COG2: variants seen among roughly 807,000 people sequenced by gnomAD.
COG2 encodes the protein conserved oligomeric Golgi complex subunit 2.
A neutral mutation model predicts 90.6 loss-of-function variants in COG2; 52 were observed. The observed-to-expected ratio is 0.57, with a 90% CI of 0.46 to 0.72. The LOEUF (loss-of-function observed/expected upper bound fraction) is 0.72, where lower values mean the gene tolerates loss of function less well. COG2 is among the 30% of genes least tolerant of loss of function. The pLI, the probability that COG2 is intolerant of heterozygous loss-of-function variation, is 0.00. For missense variants in COG2, 829 were observed against 891.2 expected, an observed-to-expected ratio of 0.93 and a Z score of 0.89; for synonymous variants, 337 against 320.4, an observed-to-expected ratio of 1.05 and a Z score of -0.55.
chr1:230,687,366 G>A (rs866317510), intron 13 of COG2, among the ~76,000 whole-genome samples: 8 of 152,156 alleles, frequency 5.3e-5, no homozygotes, highest in Admixed American at 2.0e-4. Context: ...CCTGTGTGGA[G>A]TGCATTCTGT....
At position 230,685,082 on chromosome 1, in the gene COG2, T is replaced by C. The variant is rs769617924; in HGVS notation, c.1229-3T>C. 2.6e-5 allele frequency: 42 copies of C among 1,613,812 alleles called. No individual in the cohort carries two copies. The highest frequency in any genetic ancestry group is 1.6e-4 in the East Asian group (7 of 44,890). On this transcript the variant is annotated splice_polypyrimidine_tract_variant and splice_region_variant and intron_variant, in intron 11 of 17. Coordinates refer to ENST00000366669, the MANE Select transcript of COG2 (RefSeq NM_007357.3). ...ATGTGTGTTGTTGTTGTTTTTTCTCTAGCTGAAAGTCCGTATTGCCTTTTG... is the reference window on the plus strand; with the variant it reads ...ATGTGTGTTGTTGTTGTTTTTTCTCCAGCTGAAAGTCCGTATTGCCTTTTG...
chr1:230,660,200 G>A (rs1360639502), intron 2 of COG2, among the ~76,000 whole-genome samples: 2 of 152,118 alleles, frequency 1.3e-5, no homozygotes, highest in Non-Finnish European at 2.9e-5. Flanking sequence ...TCTCTCCAAA[G>A]AAGTACAGAA....
At chr1:230,649,691 ATC>A in intron 1 of COG2, among the ~76,000 whole-genome samples, 1 of 151,688 alleles carries the variant, frequency 6.6e-6, no homozygotes, top group East Asian at 1.9e-4. Flanking sequence ...TTTATTGGGT[ATC>A]TCATTGTGGT....
chr1:230,647,390 G>A (rs1178762808), intron 1 of COG2, among the ~76,000 whole-genome samples: 1 of 152,160 alleles, frequency 6.6e-6, no homozygotes, highest in Non-Finnish European at 1.5e-5. Context: ...TGAAACAGGA[G>A]GTGTGTCCAA....
chr1:230,678,710 A>G, intron 9 of COG2: 1 of 1,480,588 alleles, frequency 6.8e-7, no homozygotes. Flanking sequence ...GAAGACACGG[A>G]AGACATATCA....
At chr1:230,688,374 T>C (rs1390918616) in intron 14 of COG2, 46 bp from the exon 15 acceptor site, 1 of 1,607,640 alleles carries the variant, frequency 6.2e-7, no homozygotes, top group Non-Finnish European at 8.5e-7. Context: ...GAAGTTCATG[T>C]CTGGGCCTGA....
intron 3 of COG2, among the ~76,000 whole-genome samples, chr1:230,662,317 C>T (rs1662200485): frequency 6.6e-6 from 1 of 152,190 alleles, no homozygotes; most frequent in Non-Finnish European, 1.5e-5. Flanking sequence ...CTATTTCTAT[C>T]TTGTTCACCA....
chr1:230,683,066 A>AT (rs1458323343), intron 10 of COG2: 1 of 154,192 alleles, frequency 6.5e-6, no homozygotes, highest in Non-Finnish European at 1.4e-5. Flanking sequence ...AGGGTCACAG[A>AT]TTAGAAGAGC....
rs1406352396 is a variant in COG2 at position 230,660,740 on chromosome 1, C to G, written c.235-18C>G. The G allele has an allele frequency of 6.4e-7, 1 of 1,567,866 alleles. No homozygotes were observed. The highest frequency in any genetic ancestry group is 8.6e-7 in the Non-Finnish European group (1 of 1,158,488). ...CTTGATTGTGAGGTGTGTGTGCCAA[C>G]ATGATTTCTGCCTTTAGGTTGGCAT... On this transcript the variant is annotated intron_variant, in intron 2 of 17. Coordinates refer to ENST00000366669, the MANE Select transcript of COG2 (RefSeq NM_007357.3).
chr1:230,652,412 G>T (rs960563274), intron 1 of COG2, among the ~76,000 whole-genome samples: 1 of 152,138 alleles, frequency 6.6e-6, no homozygotes, highest in Non-Finnish European at 1.5e-5. Context: ...GCTGAGTAAT[G>T]TTCCATGTAT....
chr1:230,650,901 A>G (rs1242020788), intron 1 of COG2, among the ~76,000 whole-genome samples: 5 of 152,064 alleles, frequency 3.3e-5, no homozygotes, highest in Admixed American at 3.3e-4. Context: ...GTCCAGTTTC[A>G]TTTTTCTGCA....
chr1:230,663,075 A>T, intron 3 of COG2, 66 bp from the exon 4 acceptor site: 2 of 1,335,394 alleles, frequency 1.5e-6, no homozygotes, highest in Non-Finnish European at 2.1e-6. Context: ...GAATTGAATT[A>T]AATGTGTAAA....
intron 17 of COG2, among the ~76,000 whole-genome samples, chr1:230,692,426 T>G (rs1321049284): frequency 6.6e-6 from 1 of 152,130 alleles, no homozygotes; most frequent in Non-Finnish European, 1.5e-5. Flanking sequence ...CACATCATGA[T>G]CATCACTGAA....
At chr1:230,685,333 G>A (rs1239813079) in intron 12 of COG2, 97 bp downstream of exon 12, 1 of 1,297,046 alleles carries the variant, frequency 7.7e-7, no homozygotes, top group East Asian at 2.3e-5. Context: ...TACCATGAGA[G>A]GTTAATTCAG....
At chr1:230,644,299 T>G (rs1661704585) in intron 1 of COG2, among the ~76,000 whole-genome samples, 1 of 152,258 alleles carries the variant, frequency 6.6e-6, no homozygotes, top group African/African-American at 2.4e-5. Flanking sequence ...CTGTTCTGTG[T>G]AAAATTTTGT....
At chr1:230,692,542 C>A (rs1167128081) in intron 17 of COG2, among the ~76,000 whole-genome samples, 2 of 151,622 alleles carry the variant, frequency 1.3e-5, no homozygotes, top group African/African-American at 2.4e-5. Flanking sequence ...TTTTTACAAG[C>A]AAGAAAGTAT....
rs762470682 is a variant in COG2, at chr1:230,664,588, G to A, written c.485+1G>A. On this transcript the variant is annotated splice_donor_variant, in intron 5 of 17. Transcript: ENST00000366669. LOFTEE classifies it high-confidence loss of function. The stretch of plus-strand genomic sequence containing the variant: ...AAACCTCTGCACTAGAAGCAAGCAG[G>A]TAAGTATTTTTTATTAAATAACTCG... The A allele has an allele frequency of 6.8e-7, 1 of 1,476,490 alleles. No homozygotes were observed. Among genetic ancestry groups the A allele is most frequent in the South Asian group, 1.2e-5 (1 of 80,060 alleles). The allele number at this position is 1,476,490 out of a possible 1,614,324, so 91.5% of individuals were successfully genotyped here. A position where few individuals can be genotyped will look rare whatever the true frequency, so the allele number is the denominator to read the frequency against.
At chr1:230,686,784 A>C (rs149170481) in intron 12 of COG2, 151 bp from the exon 13 acceptor site, 4 of 438,540 alleles carry the variant, frequency 9.1e-6, no homozygotes, top group Non-Finnish European at 1.6e-5. Context: ...TGTAGATACA[A>C]TATTGTATAC....
chr1:230,681,073 C>A (rs1662735171), intron 10 of COG2: 1 of 152,246 alleles, frequency 6.6e-6, no homozygotes, highest in Non-Finnish European at 1.5e-5. Context: ...TTCTTGTGAA[C>A]ACATTTTGTA....
Sources: allele counts gnomAD v4.1 joint callset (sites outside exome capture counted in the v4.1 genomes callset), GRCh38; gene constraint gnomAD v4.1.1; transcripts MANE v1.5; gene names NCBI Gene and HGNC (gene_info 2026-07-23, HGNC 2026-07-21).